The following CELA3B variants were observed in gnomAD, a reference collection of about 807,000 sequenced individuals.
The protein encoded by CELA3B is chymotrypsin-like elastase family member 3B.
A neutral mutation model predicts 37.2 loss-of-function variants in CELA3B; 34 were observed. The ratio of observed to expected loss-of-function variants is 0.91; its 90% CI spans 0.70 to 1.22. The LOEUF (loss-of-function observed/expected upper bound fraction) is 1.22. Among genes scored for constraint, CELA3B ranks in the 50% most tolerant of loss-of-function variants. CELA3B has a pLI of 0.00. For missense variants in CELA3B, 340 were observed against 363.1 expected (o/e 0.94, Z 0.52); for synonymous variants, 127 against 143.5 (o/e 0.89, Z 0.82).
downstream of CELA3B, among the ~76,000 whole-genome samples, chr1:21,993,138 CA>C (rs1644875866): frequency 6.6e-6 from 1 of 151,234 alleles, no homozygotes; most frequent in South Asian, 2.1e-4. Context: ...TTTAAATCAA[CA>C]AAATACTAAA....
chr1:21,978,296 G>C, intron 1 of CELA3B, 73 bp from the exon 2 acceptor site: 2 of 1,563,492 alleles, frequency 1.3e-6, no homozygotes, highest in Non-Finnish European at 1.8e-6. Context: ...GGCACGGCTT[G>C]GACTGGGACC....
rs372946101 is a variant in CELA3B at position 21,981,846 on chromosome 1, G to C, written c.362+674G>C. 1.6e-4 allele frequency among the ~76,000 whole-genome samples: 25 copies of C among 151,690 alleles called. 1 individual carries two copies. The South Asian group carries it at 2.7e-3, about 16-fold the overall frequency. Reference sequence around the variant, plus strand: ...GTTCACACCATTCTCCTGCCTCAGCGTCCCGAGTAGCTGGGACTACAGGCG... The same window carrying C: ...GTTCACACCATTCTCCTGCCTCAGCCTCCCGAGTAGCTGGGACTACAGGCG... On this transcript the variant is annotated intron_variant, in intron 4 of 7. Transcript: ENST00000337107.
intron 7 of CELA3B, chr1:21,987,734 G>A (rs1457258882): frequency 6.7e-6 from 1 of 149,930 alleles, no homozygotes; most frequent in Non-Finnish European, 1.5e-5. Context: ...CCTGTGAATA[G>A]CCACTGTACT....
chr1:21,995,489 A>G lies in CELA3B; in HGVS notation c.505-2662A>G, dbSNP rs188840233. On this transcript the variant is annotated intron_variant, in intron 4 of 4. Transcript: ENST00000400277. ...AGGGGCTGTGCAGAATGGAAACCAC[A>G]CTTGCCTGTCTCCCAGGAAGCCAGG... Among the ~76,000 whole-genome samples, 530 of 151,032 alleles carry G rather than the reference A, an allele frequency of 3.5e-3. 22 individuals carry two copies. Among genetic ancestry groups the G allele is most frequent in the African/African-American group, 0.012 (495 of 40,764 alleles).
downstream of CELA3B, among the ~76,000 whole-genome samples, chr1:21,991,872 C>T (rs1237850783): frequency 6.6e-6 from 1 of 150,894 alleles, no homozygotes; most frequent in Admixed American, 6.6e-5. Flanking sequence ...GTCATCCCAG[C>T]ACTTTGGGAG....
intron 6 of CELA3B, among the ~76,000 whole-genome samples, chr1:21,985,862 A>G (rs1569846489): frequency 6.6e-6 from 1 of 151,840 alleles, no homozygotes; most frequent in South Asian, 2.1e-4. Flanking sequence ...CTGCACTCCA[A>G]CCTGGGCGAC....
In CELA3B at chr1:21,981,111, C is replaced by T. The variant is rs753692608; in HGVS notation, c.301C>T (p.Pro101Ser). 5.0e-6 allele frequency: 8 copies of T among 1,613,246 alleles called. No homozygotes were observed. The East Asian group carries it at 1.8e-4, about 36-fold the overall frequency. ...AVKEGPEQVI[P>S]INSGDLFVHP... is the part of the protein sequence containing the mutation. ...GAAGGAGGGCCCCGAGCAGGTGATC[C>T]CCATCAACTCTGGGGACCTCTTTGT... Residue 101 changes from proline to serine, a missense_variant, in exon 4 of 8, where the codon CCC becomes TCC. By Grantham distance (74) the Pro-to-Ser change is moderately conservative. Transcript: ENST00000337107.
At chr1:21,989,086 C>T (rs1372709844) in intron 7 of CELA3B, among the ~76,000 whole-genome samples, 176 bp from the exon 8 acceptor site, 1 of 151,950 alleles carries the variant, frequency 6.6e-6, no homozygotes, top group African/African-American at 2.4e-5. Context: ...AAGAACCCCC[C>T]CATGAGGTAA....
chr1:21,982,795 G>A (rs1390538269), intron 4 of CELA3B, among the ~76,000 whole-genome samples: 3 of 151,598 alleles, frequency 2.0e-5, no homozygotes, highest in African/African-American at 7.3e-5. Flanking sequence ...CTCCTGCCTC[G>A]GCCTCCCGGG....
At chr1:21,992,271 T>C (rs1228104246), downstream of CELA3B, among the ~76,000 whole-genome samples, 5 of 151,712 alleles carry the variant, frequency 3.3e-5, no homozygotes, top group African/African-American at 2.4e-5. Context: ...CATGTGCCTA[T>C]AGTCCCCGCT....
intron 6 of CELA3B, among the ~76,000 whole-genome samples, chr1:21,985,051 G>A (rs1569845074): frequency 2.6e-5 from 4 of 152,176 alleles, no homozygotes; most frequent in South Asian, 2.1e-4. Flanking sequence ...AGGCTGAGGC[G>A]GGAGGATTGC....
rs561108615 is a variant in CELA3B at position 21,994,672 on chromosome 1, C to G, written c.505-3479C>G. 1.1e-3 allele frequency among the ~76,000 whole-genome samples: 159 copies of G among 151,080 alleles called. 2 individuals carry two copies. The Middle Eastern group carries it at 0.017, about 16-fold the overall frequency. On this transcript the variant is annotated intron_variant, in intron 4 of 4. Coordinates refer to the CELA3B transcript ENST00000400277. ...GCATCTCTCTTCAGCTCCCCTGCCT[C>G]TCCACTTAAAGTGAAGTCCTGTGAG...
downstream of CELA3B, among the ~76,000 whole-genome samples, chr1:21,994,229 G>A (rs1644879916): frequency 6.6e-6 from 1 of 150,820 alleles, no homozygotes; most frequent in Admixed American, 6.6e-5. Flanking sequence ...ACTTCCAGTG[G>A]GAGATTGAAA....
chr1:21,981,406 C>T (rs115996457), intron 4 of CELA3B, among the ~76,000 whole-genome samples: 218 of 151,392 alleles, frequency 1.4e-3, no homozygotes, highest in African/African-American at 4.9e-3. Flanking sequence ...CAGGGAGGGG[C>T]GGGAACTCTG....
chr1:21,994,832 T>C (rs1210883613), intron 4 of CELA3B, among the ~76,000 whole-genome samples: 1 of 150,072 alleles, frequency 6.7e-6, no homozygotes, highest in Non-Finnish European at 1.5e-5. Flanking sequence ...AAACCTTCTC[T>C]CTACAAAAAA....
intron 7 of CELA3B, chr1:21,986,987 C>T (rs1644842485): frequency 7.3e-6 from 3 of 408,526 alleles, no homozygotes; most frequent in Non-Finnish European, 1.4e-5. Flanking sequence ...ACATGCCAGA[C>T]AAGAGGCTGC....
At chr1:21,989,617 T>C (rs12125214), downstream of CELA3B, among the ~76,000 whole-genome samples, 6,188 of 148,936 alleles carry the variant, frequency 0.042, 307 homozygotes, top group African/African-American at 0.12. Flanking sequence ...CGCCTTAGTA[T>C]ATAGTCGCAC....
chr1:21,991,412 T>G (rs966007406), downstream of CELA3B, among the ~76,000 whole-genome samples: 1 of 149,638 alleles, frequency 6.7e-6, no homozygotes, highest in Non-Finnish European at 1.5e-5. Flanking sequence ...CTCAGCTCAC[T>G]GCAACCTCTG....
chr1:21,991,378 C>G (rs1378514926), downstream of CELA3B, among the ~76,000 whole-genome samples: 3 of 148,162 alleles, frequency 2.0e-5, no homozygotes, highest in Non-Finnish European at 4.5e-5. Flanking sequence ...CTCTGTCGCC[C>G]AGGCTGGAGT....
Sources: allele counts gnomAD v4.1 joint callset (sites outside exome capture counted in the v4.1 genomes callset), GRCh38; gene constraint gnomAD v4.1.1; transcripts MANE v1.5; gene names NCBI Gene and HGNC (gene_info 2026-07-23, HGNC 2026-07-21).